The following DNM3 variants were observed in gnomAD, a reference collection of about 807,000 sequenced individuals.
The protein encoded by DNM3 is dynamin-3.
In DNM3, 47 loss-of-function variants were observed where a neutral mutation model predicts 101.6. The observed-to-expected ratio is 0.46, with a 90% CI of 0.37 to 0.59. DNM3 has a LOEUF of 0.59. Ranked by LOEUF, DNM3 falls within the 20% of genes least tolerant of loss-of-function variation. DNM3 has a pLI of 0.00. For missense variants in DNM3, 849 were observed against 1,085.7 expected (o/e 0.78, Z 3.06); for synonymous variants, 385 against 387.9 (o/e 0.99, Z 0.09).
At chr1:172,053,330 C>T in intron 10 of DNM3, among the ~76,000 whole-genome samples, 1 of 152,208 alleles carries the variant, frequency 6.6e-6, no homozygotes, top group Admixed American at 6.5e-5. Flanking sequence ...CATCCCCTCT[C>T]ATTTTTAGGG....
At chr1:172,149,525 T>C (rs1463914816) in intron 14 of DNM3, among the ~76,000 whole-genome samples, 3 of 152,162 alleles carry the variant, frequency 2.0e-5, no homozygotes, top group Non-Finnish European at 4.4e-5. Flanking sequence ...GAGAGCATAC[T>C]AGCAGTGTAG....
chr1:172,319,612 C>G (rs937347564), intron 16 of DNM3, among the ~76,000 whole-genome samples: 19 of 152,216 alleles, frequency 1.2e-4, no homozygotes, highest in East Asian at 3.9e-4. Context: ...ATTTATGCAG[C>G]CAAAAGACAC....
intron 1 of DNM3, among the ~76,000 whole-genome samples, chr1:171,849,738 A>G (rs1438553222): frequency 6.6e-6 from 1 of 152,158 alleles, no homozygotes; most frequent in African/African-American, 2.4e-5. Context: ...AGCAGTTTTT[A>G]TCATTTCATT....
At chr1:172,001,397 A>G (rs1376126531) in intron 4 of DNM3, among the ~76,000 whole-genome samples, 1 of 151,978 alleles carries the variant, frequency 6.6e-6, no homozygotes, top group Non-Finnish European at 1.5e-5. Flanking sequence ...CATTTCCTGT[A>G]TGGAAAGCAG....
chr1:171,850,692 T>C (rs139963208), intron 1 of DNM3, among the ~76,000 whole-genome samples: 36 of 152,148 alleles, frequency 2.4e-4, no homozygotes, highest in African/African-American at 8.7e-4. Context: ...TAAAAACATA[T>C]CATGTAAAAT....
intron 16 of DNM3, chr1:172,310,265 TA>T (rs1320157973): frequency 6.6e-6 from 1 of 152,220 alleles, no homozygotes; most frequent in Non-Finnish European, 1.5e-5. Context: ...TGTTCTATAT[TA>T]AAAATGCACA....
chr1:172,045,170 G>A (rs1235981697), intron 9 of DNM3, among the ~76,000 whole-genome samples: 5 of 146,288 alleles, frequency 3.4e-5, no homozygotes, highest in Non-Finnish European at 7.5e-5. Flanking sequence ...GCTGGGTGGG[G>A]TTGGGGGTGG....
At position 172,411,607 on chromosome 1, in the gene DNM3, T is replaced by A; in HGVS notation, c.*3766T>A. 1.0e-6 allele frequency: 1 copy of A among 984,856 alleles called. No homozygotes were observed. The highest frequency in any genetic ancestry group is 1.2e-6 in the Non-Finnish European group (1 of 829,748). The allele number at this position is 984,856 out of a possible 1,614,324, so 61.0% of individuals were successfully genotyped here. A position where few individuals can be genotyped will look rare whatever the true frequency, so the allele number is the denominator to read the frequency against. ...TTTCTGAGTAAATTTGCTGAAAATA[T>A]AAGAGAGAAGCTATCTAATACCTTG... On this transcript the variant is annotated 3_prime_UTR_variant, in exon 21 of 21. Coordinates refer to ENST00000627582, the MANE Select transcript of DNM3 (RefSeq NM_015569.5).
chr1:172,308,597 G>A, intron 15 of DNM3, 131 bp from the exon 16 acceptor site: 1 of 413,272 alleles, frequency 2.4e-6, no homozygotes, highest in Admixed American at 4.3e-5. Context: ...AGTTGTTTTT[G>A]TTTTCCTTCA....
chr1:172,107,162 T>C (rs2055117138), intron 13 of DNM3, among the ~76,000 whole-genome samples: 1 of 152,028 alleles, frequency 6.6e-6, no homozygotes, highest in Non-Finnish European at 1.5e-5. Flanking sequence ...GCCCGGCCGG[T>C]AACATTATTC....
At chr1:172,257,877 A>AACACACACAC (rs56955112) in intron 15 of DNM3, among the ~76,000 whole-genome samples, 27 of 145,222 alleles carry the variant, frequency 1.9e-4, no homozygotes, top group African/African-American at 6.5e-4. Flanking sequence ...AACCCCCACC[A>AACACACACAC]ACACACACAC....
intron 14 of DNM3, among the ~76,000 whole-genome samples, chr1:172,228,596 A>G (rs1307161158): frequency 1.3e-5 from 2 of 152,120 alleles, no homozygotes; most frequent in Non-Finnish European, 2.9e-5. Flanking sequence ...GAAATTTACA[A>G]TCATTTTGTC....
At chr1:172,201,389 A>T (rs1437369469) in intron 14 of DNM3, among the ~76,000 whole-genome samples, 1 of 152,168 alleles carries the variant, frequency 6.6e-6, no homozygotes. Flanking sequence ...TTCTTCCCCA[A>T]CTTGGAGACA....
chr1:171,969,381 C>T (rs535268157), intron 2 of DNM3, among the ~76,000 whole-genome samples: 11 of 152,240 alleles, frequency 7.2e-5, no homozygotes, highest in African/African-American at 2.4e-4. Flanking sequence ...AAATCATAGT[C>T]AGGATGAAGT....
intron 13 of DNM3, among the ~76,000 whole-genome samples, chr1:172,114,341 T>C (rs933092448): frequency 6.6e-6 from 1 of 152,160 alleles, no homozygotes; most frequent in African/African-American, 2.4e-5. Context: ...GGCTGAAACA[T>C]GTGGCAAAGA....
chr1:172,394,592 G>C (rs1267210147), intron 20 of DNM3, among the ~76,000 whole-genome samples: 1 of 152,154 alleles, frequency 6.6e-6, no homozygotes, highest in East Asian at 1.9e-4. Context: ...ATAGCAAATA[G>C]CTCTGTCATT....
chr1:172,148,759 A>C (rs2058018175), intron 14 of DNM3, among the ~76,000 whole-genome samples: 1 of 151,888 alleles, frequency 6.6e-6, no homozygotes, highest in South Asian at 2.1e-4. Flanking sequence ...GTTTGGCTTT[A>C]TGTTGTGTAG....
At position 172,358,246 on chromosome 1, in the gene DNM3, G is replaced by A. The variant is rs1287323470; in HGVS notation, c.1894-20772G>A. Among the ~76,000 whole-genome samples the A allele has an allele frequency of 2.6e-5, 4 of 152,066 alleles. 1 individual carries two copies. The South Asian group carries it at 6.2e-4, about 24-fold the overall frequency. On this transcript the variant is annotated intron_variant, in intron 17 of 20. Transcript: ENST00000627582. ...CTTGCTAACTTGTGCAAGAATGTGC[G>A]CGTGTGTATATGTGTGTGTGCGTAG...
intron 1 of DNM3, 84 bp downstream of exon 1, chr1:171,841,901 C>T: frequency 6.6e-7 from 1 of 1,509,856 alleles, no homozygotes; most frequent in South Asian, 1.2e-5. Flanking sequence ...GCAGCGGGAG[C>T]CAGAGGGTGG....
Sources: allele counts gnomAD v4.1 joint callset (sites outside exome capture counted in the v4.1 genomes callset), GRCh38; gene constraint gnomAD v4.1.1; transcripts MANE v1.5; gene names NCBI Gene and HGNC (gene_info 2026-07-23, HGNC 2026-07-21).